The following PBRM1 variants were observed in gnomAD, a reference collection of about 807,000 sequenced individuals.
PBRM1 encodes protein polybromo-1.
PBRM1 carries 27 observed loss-of-function variants against 194.5 expected under a neutral mutation model. That is an observed-to-expected ratio of 0.14 (90% CI 0.10 to 0.19). The LOEUF is 0.19. Among genes scored for constraint, PBRM1 ranks in the 10% least tolerant of loss-of-function variants. The pLI is 1.00. For synonymous variants in PBRM1, 655 were observed against 693.2 expected (o/e 0.94, Z 0.87); for missense variants, 1,466 against 2,077.2 (o/e 0.71, Z 5.72).
chr3:52,660,069 CCAAAGAGCAAGA>C (rs2096687133), intron 4 of PBRM1, among the ~76,000 whole-genome samples: 1 of 152,054 alleles, frequency 6.6e-6, no homozygotes, highest in African/African-American at 2.4e-5. Flanking sequence ...CCAGCCTGGG[CCAAAGAGCAAGA>C]CACTGTCTCA....
At chr3:52,613,938 G>T (rs962631444) in intron 15 of PBRM1, among the ~76,000 whole-genome samples, 1 of 152,202 alleles carries the variant, frequency 6.6e-6, no homozygotes, top group African/African-American at 2.4e-5. Context: ...AAAGTGGAAT[G>T]AAAGTTTTAC....
At position 52,554,611 on chromosome 3, in the gene PBRM1, G is replaced by A. The variant is rs146937797; in HGVS notation, c.4609+113C>T. 558 of 838,650 alleles carry A rather than the reference G, an allele frequency of 6.7e-4. 4 individuals carry two copies. Among genetic ancestry groups the A allele is most frequent in the South Asian group, 3.7e-3 (177 of 47,718 alleles). 52.0% of individuals were successfully genotyped at this position (838,650 alleles called of 1,614,324 possible). A position where few individuals can be genotyped will look rare whatever the true frequency, so the allele number is the denominator to read the frequency against. ...TGCTGACAACCTTTGGATTCTCAGG[G>A]AGGGAAGGCCTGGCCACAATGGGCC... On this transcript the variant is annotated intron_variant, in intron 27 of 29. Transcript: ENST00000296302.
chr3:52,621,674 C>T (rs2095280519), intron 13 of PBRM1, among the ~76,000 whole-genome samples: 1 of 152,162 alleles, frequency 6.6e-6, no homozygotes, highest in African/African-American at 2.4e-5. Flanking sequence ...AAAATCAGCA[C>T]CTTTAAGCAT....
intron 10 of PBRM1, among the ~76,000 whole-genome samples, chr3:52,639,017 T>C (rs2095954200): frequency 7.0e-6 from 1 of 142,670 alleles, no homozygotes. Flanking sequence ...AAAGTTTTGC[T>C]CTTGTTGTCC....
intron 2 of PBRM1, among the ~76,000 whole-genome samples, chr3:52,668,996 A>G (rs1029512550): frequency 6.6e-6 from 1 of 152,166 alleles, no homozygotes; most frequent in African/African-American, 2.4e-5. Flanking sequence ...TACCTTTCAT[A>G]GTGCTCAAAA....
Position 52,596,546 on chromosome 3 carries a change from T to C in PBRM1, c.2779+6975A>G, listed in dbSNP as rs372098930. Reference sequence around the variant, plus strand: ...GATTATTCAGGGCCCAAGGGCTCTTTAGTCAGCAGGTGATGAATTCTACCA... The same window carrying C: ...GATTATTCAGGGCCCAAGGGCTCTTCAGTCAGCAGGTGATGAATTCTACCA... On this transcript the variant is annotated intron_variant, in intron 17 of 29. Coordinates refer to ENST00000296302, the Ensembl canonical transcript of PBRM1. Among the ~76,000 whole-genome samples, 29 of 149,400 alleles carry C rather than the reference T, an allele frequency of 1.9e-4. No individual in the cohort carries two copies. The South Asian group carries it at 6.1e-3, about 31-fold the overall frequency.
intron 27 of PBRM1, among the ~76,000 whole-genome samples, chr3:52,554,414 T>C (rs1416486562): frequency 6.6e-6 from 1 of 152,262 alleles, no homozygotes; most frequent in Non-Finnish European, 1.5e-5. Flanking sequence ...CTAGGCTGTC[T>C]GGCTTTTCAA....
At chr3:52,647,909 T>A (rs937443717) in intron 7 of PBRM1, among the ~76,000 whole-genome samples, 1 of 141,046 alleles carries the variant, frequency 7.1e-6, no homozygotes, top group Non-Finnish European at 1.6e-5. Flanking sequence ...AACCATTACA[T>A]TAAATACTTT....
intron 3 of PBRM1, among the ~76,000 whole-genome samples, chr3:52,667,678 G>C (rs2096866686): frequency 6.7e-6 from 1 of 150,006 alleles, no homozygotes; most frequent in South Asian, 2.1e-4. Context: ...ACTTGAACCT[G>C]GGAAGAAGAG....
intron 22 of PBRM1, among the ~76,000 whole-genome samples, chr3:52,566,786 T>A (rs936377245): frequency 6.6e-6 from 1 of 152,128 alleles, no homozygotes; most frequent in African/African-American, 2.4e-5. Context: ...AACTGTGTAT[T>A]TAAAAACGGT....
At chr3:52,639,353 C>T (rs867421065) in intron 10 of PBRM1, among the ~76,000 whole-genome samples, 6 of 152,120 alleles carry the variant, frequency 3.9e-5, no homozygotes, top group African/African-American at 1.4e-4. Context: ...TTTTGACAAT[C>T]TCACCTCAGA....
intron 13 of PBRM1, among the ~76,000 whole-genome samples, chr3:52,618,894 G>C (rs2095125074): frequency 6.6e-6 from 1 of 152,142 alleles, no homozygotes; most frequent in Admixed American, 6.6e-5. Context: ...TAGGATTACA[G>C]GCATGCACCA....
At chr3:52,642,788 ATTT>A (rs879552929) in intron 9 of PBRM1, among the ~76,000 whole-genome samples, 1 of 139,890 alleles carries the variant, frequency 7.1e-6, no homozygotes, top group Non-Finnish European at 1.6e-5. Flanking sequence ...TAGTAATTCA[ATTT>A]TTTTTTTTTT....
chr3:52,626,550 C>T (rs1039884106), intron 13 of PBRM1, among the ~76,000 whole-genome samples: 2 of 152,230 alleles, frequency 1.3e-5, no homozygotes, highest in Middle Eastern at 3.4e-3. Flanking sequence ...GATGGTGAGG[C>T]AGTCATGATT....
chr3:52,608,902 T>C (rs1386754753), intron 16 of PBRM1, among the ~76,000 whole-genome samples: 3 of 151,990 alleles, frequency 2.0e-5, no homozygotes, highest in Admixed American at 2.0e-4. Flanking sequence ...ATCAAATTTC[T>C]ATCAGTCTAA....
chr3:52,586,619 C>A (rs2153774380), exon 20 of PBRM1: 1 of 1,613,486 alleles, frequency 6.2e-7, no homozygotes, highest in East Asian at 2.2e-5. Context: ...TTGGTTTTGG[C>A]AGAATACCGT....
chr3:52,643,289 G>T (rs771317383), exon 9 of PBRM1: 1 of 1,613,750 alleles, frequency 6.2e-7, no homozygotes, highest in South Asian at 1.1e-5. Flanking sequence ...CACCAAGGCT[G>T]CCTTTACTGT....
At chr3:52,666,152 G>C (rs1319302956) in intron 3 of PBRM1, among the ~76,000 whole-genome samples, 2 of 152,196 alleles carry the variant, frequency 1.3e-5, no homozygotes, top group African/African-American at 4.8e-5. Flanking sequence ...AAGGTGGTGT[G>C]TACCTGCAGT....
intron 17 of PBRM1, among the ~76,000 whole-genome samples, chr3:52,598,980 C>G (rs111257229): frequency 0.029 from 4,297 of 148,936 alleles, 216 homozygotes; most frequent in African/African-American, 0.1. Context: ...TGAGATCACA[C>G]CACTGCACTC....
Sources: gnomAD v4.1 joint callset for allele counts (sites outside exome capture counted in the v4.1 genomes callset) on GRCh38, gnomAD v4.1.1 for gene constraint, MANE v1.5 for transcripts, NCBI Gene and HGNC (gene_info 2026-07-23, HGNC 2026-07-21) for gene names.